The following ZNF831 variants were observed in gnomAD, a reference collection of about 807,000 sequenced individuals.
The protein encoded by ZNF831 is chromosome 20 open reading frame 174.
In ZNF831, 59 loss-of-function variants were observed where a neutral mutation model predicts 95.8. The ratio of observed to expected loss-of-function variants is 0.62; its 90% CI spans 0.50 to 0.77. The LOEUF is 0.77. Ranked by LOEUF, ZNF831 falls within the 30% of genes least tolerant of loss-of-function variation. ZNF831 has a pLI of 0.00. For synonymous variants in ZNF831, 961 were observed against 925.5 expected (o/e 1.04, Z -0.70); for missense variants, 2,205 against 2,164.0 (o/e 1.02, Z -0.38).
chr20:59,191,954 C>A lies in ZNF831; in HGVS notation c.935C>A (p.Pro312Gln). ...PEQKSPTAGK[P>Q]CALQRQQATA... is the part of the protein sequence containing the mutation. ...CAGAAGTCGCCGACCGCCGGGAAGC[C>A]GTGCGCCCTGCAGCGGCAGCAGGCG... is the stretch of plus-strand genomic sequence containing the variant. Residue 312 changes from proline to glutamine, a missense_variant, in exon 2 of 6, where the codon CCG (proline) becomes CAG (glutamine). Coordinates refer to ENST00000371030, the MANE Select transcript of ZNF831 (RefSeq NM_178457.3). 6.2e-7 allele frequency: 1 copy of A among 1,608,554 alleles called. No homozygotes were observed. Among genetic ancestry groups the A allele is most frequent in the Non-Finnish European group, 8.5e-7 (1 of 1,178,186 alleles).
chr20:59,180,911 A>G (rs538492461), intron 1 of ZNF831, among the ~76,000 whole-genome samples: 2 of 152,294 alleles, frequency 1.3e-5, no homozygotes, highest in South Asian at 4.1e-4. Context: ...CGCTGGGTCA[A>G]ATGGTATTTC....
At chr20:59,198,320 T>C (rs1325827587) in intron 3 of ZNF831, among the ~76,000 whole-genome samples, 1 of 152,218 alleles carries the variant, frequency 6.6e-6, no homozygotes, top group Non-Finnish European at 1.5e-5. Context: ...CTCATAAAAA[T>C]CTGGATTTCT....
At chr20:59,196,736 C>A (rs970858342) in intron 3 of ZNF831, among the ~76,000 whole-genome samples, 1 of 152,170 alleles carries the variant, frequency 6.6e-6, no homozygotes, top group Non-Finnish European at 1.5e-5. Flanking sequence ...ATACTCCACA[C>A]CTCAGTTGTC....
At position 59,210,922 on chromosome 20, in the gene ZNF831, A is replaced by C. The variant is rs1163324905; in HGVS notation, c.4027+3866A>C. On this transcript the variant is annotated intron_variant, in intron 4 of 5. Coordinates refer to ENST00000371030, the MANE Select transcript of ZNF831 (RefSeq NM_178457.3). ...GTGGCGGGCGCCTGTAGTCCCAGCTACTCGGGAGGCTGAGGCAGGAGAATG... is the reference window on the plus strand; with the variant it reads ...GTGGCGGGCGCCTGTAGTCCCAGCTCCTCGGGAGGCTGAGGCAGGAGAATG... 2.5e-5 allele frequency among the ~76,000 whole-genome samples: 2 copies of C among 80,562 alleles called. 1 individual carries two copies. Among genetic ancestry groups the C allele is most frequent in the African/African-American group, 1.4e-4 (2 of 14,444 alleles). 52.9% of individuals were successfully genotyped at this position (80,562 alleles called of 152,430 possible).
At chr20:59,249,036 G>A (rs1987754102) in intron 4 of ZNF831, among the ~76,000 whole-genome samples, 3 of 152,092 alleles carry the variant, frequency 2.0e-5, no homozygotes, top group South Asian at 2.1e-4. Flanking sequence ...CTGCATTCAC[G>A]ACTGTCCTTC....
chr20:59,180,768 C>T (rs1982558126), intron 1 of ZNF831, among the ~76,000 whole-genome samples: 1 of 152,218 alleles, frequency 6.6e-6, no homozygotes, highest in South Asian at 2.1e-4. Context: ...TTTATCCAGT[C>T]TATCACTGAT....
At chr20:59,155,328 G>A (rs1299156174) in intron 2 of ZNF831, among the ~76,000 whole-genome samples, 2 of 152,200 alleles carry the variant, frequency 1.3e-5, no homozygotes, top group South Asian at 2.1e-4. Flanking sequence ...AAGCAGGCAA[G>A]GCTGGGCACA....
intron 1 of ZNF831, among the ~76,000 whole-genome samples, chr20:59,180,984 C>T (rs1982574447): frequency 6.6e-6 from 1 of 152,224 alleles, no homozygotes; most frequent in African/African-American, 2.4e-5. Context: ...AATTTACACT[C>T]CCACCAACAG....
In ZNF831 at chr20:59,191,379, T is replaced by C. The variant is rs748743251; in HGVS notation, c.360T>C (p.Thr120=). The change falls in exon 2 of 6, where the codon ACT becomes ACC. Residue 120 remains threonine, a synonymous_variant. Transcript: ENST00000371030. ...CGCTGACGGTGAACATCGTGGGCAC[T>C]CTGCCTGTCCTGTCGCCGGGCCTGG... The part of the protein sequence containing the change: ...APTLTVNIVG[T]LPVLSPGLGP... The C allele has an allele frequency of 8.1e-6, 13 of 1,609,332 alleles. No homozygotes were observed. In the Admixed American group the frequency reaches 2.2e-4, roughly 27 times the overall value.
chr20:59,176,441 TGCA>T (rs1274986165), intron 1 of ZNF831, among the ~76,000 whole-genome samples: 3 of 152,116 alleles, frequency 2.0e-5, no homozygotes, highest in African/African-American at 7.2e-5. Flanking sequence ...CTAAAGAGGG[TGCA>T]TTTTACTGTA....
intron 1 of ZNF831, among the ~76,000 whole-genome samples, chr20:59,188,549 C>T (rs2146535304): frequency 6.6e-6 from 1 of 152,178 alleles, no homozygotes; most frequent in South Asian, 2.1e-4. Flanking sequence ...CCCAGCTACT[C>T]AGGCGGCTGA....
Position 59,148,988 on chromosome 20 carries a change from T to C in ZNF831, c.-1281+2614T>C, listed in dbSNP as rs551445464. Among the ~76,000 whole-genome samples the C allele has an allele frequency of 3.3e-5, 5 of 152,314 alleles. No individual in the cohort carries two copies. In the East Asian group the frequency reaches 9.7e-4, roughly 29 times the overall value. ...GGCTGCGGGCACTCGAGTTCAGCCC[T>C]GGCCAGAGGCTGTGAGGGGCAGAGC... On this transcript the variant is annotated intron_variant, in intron 2 of 7. Coordinates refer to the ZNF831 transcript ENST00000637017.
chr20:59,205,408 CCCT>C (rs1215972072), intron 3 of ZNF831, among the ~76,000 whole-genome samples: 1 of 152,154 alleles, frequency 6.6e-6, no homozygotes, highest in Non-Finnish European at 1.5e-5. Context: ...AACTAACCTC[CCCT>C]CCCCCCAGCC....
chr20:59,150,268 C>A (rs983633024), intron 2 of ZNF831, among the ~76,000 whole-genome samples: 1 of 152,164 alleles, frequency 6.6e-6, no homozygotes, highest in Non-Finnish European at 1.5e-5. Flanking sequence ...GGAAGCTGCA[C>A]ATTTAGGAAA....
chr20:59,216,779 T>G (rs1013606948), intron 4 of ZNF831, among the ~76,000 whole-genome samples: 1 of 152,108 alleles, frequency 6.6e-6, no homozygotes, highest in African/African-American at 2.4e-5. Context: ...CAGGCCTCAG[T>G]CGGGGCCTGA....
intron 3 of ZNF831, among the ~76,000 whole-genome samples, chr20:59,196,780 CT>C (rs1163287480): frequency 6.6e-6 from 1 of 151,694 alleles, no homozygotes; most frequent in Non-Finnish European, 1.5e-5. Context: ...ACTGTCAGTC[CT>C]TTTTTTTCTT....
chr20:59,254,112 A>G lies in ZNF831; in HGVS notation c.4403A>G (p.Asp1468Gly), dbSNP rs1208515000. The stretch of plus-strand genomic sequence containing the variant: ...GATCCCAAACCATACATCTTCTCAG[A>G]TGCTCAAAGGCCTTCTTCCTTTGGG... ...STDPKPYIFSDAQRPSSFGSK... is the reference protein window; with the variant it reads ...STDPKPYIFSGAQRPSSFGSK... Residue 1468 changes from aspartate to glycine, a missense_variant, in exon 6 of 6, where the codon GAT (aspartate) becomes GGT (glycine). Coordinates refer to ENST00000371030, the MANE Select transcript of ZNF831 (RefSeq NM_178457.3). The surrounding 1 kb of genome is among the most constrained non-coding windows in gnomAD (Gnocchi z 4.5). The G allele has an allele frequency of 1.2e-6, 2 of 1,614,052 alleles. No individual in the cohort carries two copies. The highest frequency in any genetic ancestry group is 2.2e-5 in the South Asian group (2 of 91,066).
chr20:59,153,874 T>C (rs1980387886), intron 2 of ZNF831, among the ~76,000 whole-genome samples: 1 of 152,210 alleles, frequency 6.6e-6, no homozygotes, highest in Non-Finnish European at 1.5e-5. Flanking sequence ...CATCTACTCC[T>C]TCAAGGAGCA....
intron 2 of ZNF831, among the ~76,000 whole-genome samples, chr20:59,158,048 T>C (rs1980635311): frequency 6.6e-6 from 1 of 152,184 alleles, no homozygotes; most frequent in Admixed American, 6.5e-5. Flanking sequence ...ATTTTCTCAC[T>C]CTATGATTAA....
Sources: allele counts gnomAD v4.1 joint callset (sites outside exome capture counted in the v4.1 genomes callset), GRCh38; gene constraint gnomAD v4.1.1; non-coding constraint Gnocchi (gnomAD v3.1); transcripts MANE v1.5; gene names NCBI Gene and HGNC (gene_info 2026-07-23, HGNC 2026-07-21).